IL12RB1: variants seen among roughly 807,000 people sequenced by gnomAD.
IL12RB1 encodes the protein interleukin 12 receptor subunit beta 1, also known as interleukin-12 receptor subunit beta-1.
Under a neutral mutation model 94.4 loss-of-function variants are expected in IL12RB1, and 64 were observed. The ratio of observed to expected loss-of-function variants is 0.68; its 90% CI spans 0.55 to 0.83. The LOEUF (loss-of-function observed/expected upper bound fraction) is 0.83. Among genes scored for constraint, IL12RB1 ranks in the 40% least tolerant of loss-of-function variants. IL12RB1 has a pLI of 0.00. For missense variants in IL12RB1, 814 were observed against 855.6 expected (o/e 0.95, Z 0.61); for synonymous variants, 362 against 355.5 (o/e 1.02, Z -0.21).
chr19:18,074,476 A>G (rs1338422585), intron 7 of IL12RB1, among the ~76,000 whole-genome samples: 1 of 152,182 alleles, frequency 6.6e-6, no homozygotes, highest in African/African-American at 2.4e-5. Context: ...GGCTGAGCGC[A>G]GTGGCTCATA....
rs188395331 is a variant in IL12RB1, at chr19:18,096,779, A to T, written c.-230+1976T>A. The stretch of plus-strand genomic sequence containing the variant: ...TGAACCCAGGAGGCAGGGGTTGCCG[A>T]GATCATGCCACTGCATTCTAGTCTG... On this transcript the variant is annotated intron_variant, in intron 1 of 4. Coordinates refer to the IL12RB1 transcript ENST00000594176. Among the ~76,000 whole-genome samples, 47 of 151,378 alleles carry T rather than the reference A, an allele frequency of 3.1e-4. No homozygotes were observed. In the East Asian group the frequency reaches 8.9e-3, roughly 29 times the overall value.
chr19:18,073,632 G>A (rs759615677), intron 7 of IL12RB1, 33 bp from the exon 8 acceptor site: 5 of 1,294,728 alleles, frequency 3.9e-6, no homozygotes, highest in Non-Finnish European at 5.6e-6. Flanking sequence ...TAGACGAATT[G>A]GAAGGAGAGA....
chr19:18,061,165 G>T lies in IL12RB1; in HGVS notation c.1748C>A (p.Thr583Lys). Residue 583 changes from threonine (T) to lysine (K), a missense_variant, in exon 15 of 17, where the codon ACA becomes AAA. Physicochemically the swap from Thr to Lys is moderately conservative, Grantham distance 78. Coordinates refer to ENST00000593993, the MANE Select transcript of IL12RB1 (RefSeq NM_005535.3). ...AARHLCPPLP[T>K]PCASSAIEFP... The stretch of plus-strand genomic sequence containing the variant: ...CTCAATGGCGGAGCTGGCACAGGGT[G>T]TGGGCAGCGGCGGGCACAGGTGCCG... The T allele has an allele frequency of 1.2e-6, 2 of 1,602,738 alleles. No homozygotes were observed. The highest frequency in any genetic ancestry group is 1.7e-6 in the Non-Finnish European group (2 of 1,173,546).
rs774360770 is a variant in IL12RB1, at chr19:18,060,105, C to A, written c.1792-20G>T. 6.9e-7 allele frequency: 1 copy of A among 1,451,518 alleles called. No homozygotes were observed. The highest frequency in any genetic ancestry group is 9.6e-7 in the Non-Finnish European group (1 of 1,037,376). 89.9% of individuals were successfully genotyped at this position (1,451,518 alleles called of 1,614,324 possible). The stretch of plus-strand genomic sequence containing the variant: ...CCAAGTCTGCAGAGGGAGGGTAGGG[C>A]CACAGCTGTGAGCAGAGCTCTACTT... On this transcript the variant is annotated intron_variant, in intron 15 of 16. Transcript: ENST00000593993.
chr19:18,069,735 GC>G (rs1568495850), intron 9 of IL12RB1, 22 bp from the exon 10 acceptor site: 1 of 1,578,510 alleles, frequency 6.3e-7, no homozygotes, highest in Non-Finnish European at 8.7e-7. Context: ...GGGGAGAGAC[GC>G]ATCGAGACAG....
At position 18,063,973 on chromosome 19, in the gene IL12RB1, G is replaced by A. The variant is rs778329113; in HGVS notation, c.1521C>T (p.Leu507=). 6.2e-7 allele frequency: 1 copy of A among 1,612,604 alleles called. No individual in the cohort carries two copies. The highest frequency in any genetic ancestry group is 8.5e-7 in the Non-Finnish European group (1 of 1,178,802). Residue 507 remains leucine, a synonymous_variant, in exon 13 of 17, where the codon CTC becomes CTT. Transcript: ENST00000593993. ...PVQPTETQVT[L]SGLRAGVAYT... Reference sequence around the variant, plus strand: ...AGGCTACACCAGCCCGCAGGCCACTGAGGGTAACTTGGGTCTCTGTGGGCT... The same window carrying A: ...AGGCTACACCAGCCCGCAGGCCACTAAGGGTAACTTGGGTCTCTGTGGGCT...
intron 5 of IL12RB1, 119 bp from the exon 6 acceptor site, chr19:18,076,446 A>C (rs542160867): frequency 1.4e-6 from 1 of 702,474 alleles, no homozygotes; most frequent in East Asian, 2.7e-5. Context: ...TCTGTCATCT[A>C]GGCTGGAGTG....
upstream of IL12RB1, among the ~76,000 whole-genome samples, chr19:18,088,304 T>C (rs2036470049): frequency 6.6e-6 from 1 of 151,610 alleles, no homozygotes; most frequent in Non-Finnish European, 1.5e-5. Flanking sequence ...GAGAATCGCT[T>C]GAACCCAGGA....
chr19:18,086,369 G>A lies in IL12RB1; in HGVS notation c.64+391C>T, dbSNP rs17879360. 1.7e-3 allele frequency among the ~76,000 whole-genome samples: 264 copies of A among 152,182 alleles called. 2 individuals are homozygous for A. Among genetic ancestry groups the A allele is most frequent in the Middle Eastern group, 6.8e-3 (2 of 294 alleles). ...CTTTGGATTTTGGTATCTGCAGAGG[G>A]TCCTGGAACCATTGCCCCGTAAATA... is the stretch of plus-strand genomic sequence containing the variant. On this transcript the variant is annotated intron_variant, in intron 1 of 16. Transcript: ENST00000593993.
intron 1 of IL12RB1, among the ~76,000 whole-genome samples, chr19:18,098,127 G>A (rs1054204832): frequency 1.3e-5 from 2 of 152,160 alleles, no homozygotes; most frequent in African/African-American, 4.8e-5. Flanking sequence ...AATAATGCTA[G>A]CAACAGCAGC....
At chr19:18,087,335 G>A (rs370297426), upstream of IL12RB1, among the ~76,000 whole-genome samples, 50 of 150,896 alleles carry the variant, frequency 3.3e-4, no homozygotes, top group African/African-American at 1.1e-3. Flanking sequence ...TCAGCCTCCC[G>A]AGTAGCTGGA....
upstream of IL12RB1, among the ~76,000 whole-genome samples, chr19:18,091,985 TC>T (rs2036651299): frequency 6.6e-6 from 1 of 150,600 alleles, no homozygotes; most frequent in Non-Finnish European, 1.5e-5. Context: ...TAAGCAATTC[TC>T]CTGCCTCAGC....
At chr19:18,081,380 G>A (rs1599550660) in intron 3 of IL12RB1, among the ~76,000 whole-genome samples, 2 of 151,744 alleles carry the variant, frequency 1.3e-5, no homozygotes, top group Admixed American at 1.3e-4. Context: ...ACAAGCGTGA[G>A]CCACCGTGCC....
In IL12RB1 at chr19:18,062,175, A is replaced by AG. The variant is rs1443827985; in HGVS notation, c.1715+5dup. ...CGCTATGGTAACGGTAAGAGGTGTC[A>AG]GTTACCTGTTCAGGCCAAGGTAGCC... On this transcript the variant is annotated splice_donor_region_variant and intron_variant, in intron 14 of 16. Coordinates refer to ENST00000593993, the MANE Select transcript of IL12RB1 (RefSeq NM_005535.3). The AG allele has an allele frequency of 6.3e-7, 1 of 1,576,470 alleles. No individual in the cohort carries two copies. Among genetic ancestry groups the AG allele is most frequent in the Non-Finnish European group, 8.7e-7 (1 of 1,145,914 alleles).
rs57327846 is a variant in IL12RB1, at chr19:18,067,326, GA to G, written c.1328-630del. On this transcript the variant is annotated intron_variant, in intron 11 of 16. Transcript: ENST00000593993. Reference sequence around the variant, plus strand: ...GCCACAGAGAGTGACTCTGTCTCAAGAAAAAAAAAAAAAAAAAAAAAAAAGG... The same window carrying G: ...GCCACAGAGAGTGACTCTGTCTCAAGAAAAAAAAAAAAAAAAAAAAAAAGG... Among the ~76,000 whole-genome samples the G allele has an allele frequency of 4.4e-3, 365 of 82,594 alleles. 3 individuals carry two copies. Among genetic ancestry groups the G allele is most frequent in the East Asian group, 0.023 (67 of 2,926 alleles). The allele number at this position is 82,594 out of a possible 152,430, so 54.2% of individuals were successfully genotyped here. A position where few individuals can be genotyped will look rare whatever the true frequency, so the allele number is the denominator to read the frequency against.
At chr19:18,090,124 G>A (rs1264866587), upstream of IL12RB1, among the ~76,000 whole-genome samples, 1 of 152,206 alleles carries the variant, frequency 6.6e-6, no homozygotes, top group South Asian at 2.1e-4. Context: ...ACTTTGTGAG[G>A]CCAAGGCAGG....
rs2035957992 is a variant in IL12RB1 at position 18,082,137 on chromosome 19, G to A, written c.239+13C>T. The A allele has an allele frequency of 6.6e-7, 1 of 1,510,700 alleles. No homozygotes were observed. 93.6% of individuals were successfully genotyped at this position (1,510,700 alleles called of 1,614,324 possible). On this transcript the variant is annotated intron_variant, in intron 3 of 16. Transcript: ENST00000593993. ...GGTGGGTGAGGGTTTGGGAATGGTA[G>A]AGGGGTCCTCACCAACACCGCAGGA...
intron 12 of IL12RB1, 79 bp from the exon 13 acceptor site, chr19:18,064,089 G>T: frequency 1.1e-6 from 1 of 939,368 alleles, no homozygotes; most frequent in Non-Finnish European, 1.7e-6. Context: ...CAGCCTGTGG[G>T]TGGGGTGGGG....
chr19:18,062,351 G>C, intron 13 of IL12RB1, 74 bp from the exon 14 acceptor site: 1 of 903,386 alleles, frequency 1.1e-6, no homozygotes, highest in Non-Finnish European at 1.7e-6. Flanking sequence ...AGGAGGGCCT[G>C]GTTTCTCCAT....
Sources: allele counts gnomAD v4.1 joint callset (sites outside exome capture counted in the v4.1 genomes callset), GRCh38; gene constraint gnomAD v4.1.1; transcripts MANE v1.5; gene names NCBI Gene and HGNC (gene_info 2026-07-23, HGNC 2026-07-21).